The following AK6 variants were observed in gnomAD, a reference collection of about 807,000 sequenced individuals.
AK6 encodes adenylate kinase isoenzyme 6.
AK6 carries 24 observed loss-of-function variants against 23.7 expected under a neutral mutation model. The ratio of observed to expected loss-of-function variants is 1.01; its 90% CI spans 0.73 to 1.43. The LOEUF is 1.43. Ranked by LOEUF, AK6 falls within the 40% of genes most tolerant of loss-of-function variation. The pLI is 0.00. For missense variants in AK6, 191 were observed against 199.1 expected (o/e 0.96, Z 0.24); for synonymous variants, 73 against 69.8 (o/e 1.05, Z -0.23).
rs1375251803 is a variant in AK6 at position 69,351,236 on chromosome 5, C to T, written c.*825G>A. On this transcript the variant is annotated 3_prime_UTR_variant, in exon 5 of 5. Coordinates refer to ENST00000380822, the MANE Select transcript of AK6 (RefSeq NM_016283.5). ...AGAGTCTAAGGTCTCACTATGTTGC[C>T]CAGGCTGGTCTTGAACTCCTGCCTC... 6.6e-6 allele frequency: 1 copy of T among 151,960 alleles called. No homozygotes were observed. The highest frequency in any genetic ancestry group is 1.5e-5 in the Non-Finnish European group (1 of 68,040). 9.4% of individuals were successfully genotyped at this position (151,960 alleles called of 1,614,324 possible). A position where few individuals can be genotyped will look rare whatever the true frequency, so the allele number is the denominator to read the frequency against.
chr5:69,361,086 T>C (rs1428613763), intron 2 of AK6, among the ~76,000 whole-genome samples: 1 of 152,186 alleles, frequency 6.6e-6, no homozygotes, highest in East Asian at 1.9e-4. Context: ...GGAAAGGGTA[T>C]CAAGTGAGGA....
chr5:69,351,952 G>A lies in AK6; in HGVS notation c.*109C>T. The A allele has an allele frequency of 1.1e-6, 1 of 900,596 alleles. No homozygotes were observed. Among genetic ancestry groups the A allele is most frequent in the East Asian group, 2.6e-5 (1 of 38,814 alleles). The allele number at this position is 900,596 out of a possible 1,614,324, so 55.8% of individuals were successfully genotyped here. ...GCATAAACCTATATACTATCCACCT[G>A]CTGGTTCTGCAACATGATTTTAATA... On this transcript the variant is annotated 3_prime_UTR_variant, in exon 5 of 5. Transcript: ENST00000380822.
Position 69,362,327 on chromosome 5 carries a change from G to A in AK6, c.121+4176C>T, listed in dbSNP as rs59799008. 6.1e-3 allele frequency among the ~76,000 whole-genome samples: 924 copies of A among 152,062 alleles called. 7 individuals carry two copies. The highest frequency in any genetic ancestry group is 0.021 in the African/African-American group (873 of 41,480). On this transcript the variant is annotated intron_variant, in intron 2 of 4. Coordinates refer to ENST00000380822, the MANE Select transcript of AK6 (RefSeq NM_016283.5). ...CTTCACACATTGCTATACCCCCAAAGGGCAAAAATCACCTAGTTGAGAATC... is the reference window on the plus strand; with the variant it reads ...CTTCACACATTGCTATACCCCCAAAAGGCAAAAATCACCTAGTTGAGAATC...
At chr5:69,366,478 A>T (rs748811045) in intron 2 of AK6, 25 bp downstream of exon 2, 1 of 1,596,398 alleles carries the variant, frequency 6.3e-7, no homozygotes, top group South Asian at 1.1e-5. Context: ...AAACAAAACA[A>T]ATCTAACACC....
intron 2 of AK6, among the ~76,000 whole-genome samples, chr5:69,363,046 G>T (rs1230759399): frequency 6.6e-6 from 1 of 152,086 alleles, no homozygotes; most frequent in Non-Finnish European, 1.5e-5. Flanking sequence ...GGGGAACAAA[G>T]CCAGACCCTG....
chr5:69,364,454 T>C (rs986077363), intron 2 of AK6, among the ~76,000 whole-genome samples: 1 of 152,072 alleles, frequency 6.6e-6, no homozygotes, highest in African/African-American at 2.4e-5. Flanking sequence ...TTGAGGAAGA[T>C]AATCAAAGCA....
chr5:69,369,276 G>A, intron 1 of AK6, 187 bp downstream of exon 1: 1 of 106,092 alleles, frequency 9.4e-6, no homozygotes, highest in Non-Finnish European at 1.6e-5. Flanking sequence ...TTAACGTTCC[G>A]CGTCCCCTCC....
At chr5:69,366,474 A>G in intron 2 of AK6, 29 bp downstream of exon 2, 1 of 1,590,874 alleles carries the variant, frequency 6.3e-7, no homozygotes, top group Non-Finnish European at 8.6e-7. Context: ...AAAAAAACAA[A>G]ACAAATCTAA....
intron 1 of AK6, 62 bp downstream of exon 1, chr5:69,369,401 C>T (rs1031371956): frequency 2.3e-5 from 37 of 1,586,540 alleles, no homozygotes; most frequent in Non-Finnish European, 3.2e-5. Context: ...GCGCCCGATG[C>T]CCAGAGCACT....
intron 2 of AK6, chr5:69,365,106 T>C: frequency 1.2e-6 from 2 of 1,614,232 alleles, no homozygotes; most frequent in Non-Finnish European, 1.7e-6. Context: ...AATCAGAACA[T>C]TCTGAACTGC....
At chr5:69,369,683 G>A (rs1306615007), upstream of AK6, 10 of 1,554,318 alleles carry the variant, frequency 6.4e-6, no homozygotes, top group Middle Eastern at 1.7e-4. Context: ...CATTTCCGTC[G>A]CAAAGTTGGA....
At chr5:69,365,546 A>G in intron 2 of AK6, 1 of 1,613,962 alleles carries the variant, frequency 6.2e-7, no homozygotes, top group South Asian at 1.1e-5. Flanking sequence ...CATCAACAGT[A>G]GCTTTCTTAG....
chr5:69,358,993 C>T (rs1762157039), intron 2 of AK6, among the ~76,000 whole-genome samples: 1 of 151,730 alleles, frequency 6.6e-6, no homozygotes. Context: ...ATAATCCTAG[C>T]ACTTTCAGAG....
At chr5:69,362,172 C>T (rs886341950) in intron 2 of AK6, among the ~76,000 whole-genome samples, 1 of 151,942 alleles carries the variant, frequency 6.6e-6, no homozygotes, top group Non-Finnish European at 1.5e-5. Context: ...GATTTCTCAA[C>T]CTTATTACTA....
chr5:69,369,242 C>CCCCCCCA, intron 1 of AK6: 2 of 252,652 alleles, frequency 7.9e-6, no homozygotes, highest in South Asian at 1.2e-4. Context: ...CCCCGCCCCC[C>CCCCCCCA]CCCGGAGCCT....
At position 69,355,729 on chromosome 5, in the gene AK6, A is replaced by G. The variant is rs374295136; in HGVS notation, c.246T>C (p.Asp82=). 11 of 1,613,914 alleles carry G rather than the reference A, an allele frequency of 6.8e-6. No individual in the cohort carries two copies. The African/African-American group carries it at 1.5e-4, about 22-fold the overall frequency. The part of the protein sequence containing the change: ...GGVIVDYHGC[D]FFPERWFHIV... Reference sequence around the variant, plus strand: ...TATGAAACCAGCGTTCAGGGAAGAAATCACAACCATGGTAATCAACAATAA... The same window carrying G: ...TATGAAACCAGCGTTCAGGGAAGAAGTCACAACCATGGTAATCAACAATAA... Residue 82 remains aspartate, a synonymous_variant, in exon 4 of 5, where the codon GAT becomes GAC. Transcript: ENST00000380822.
intron 1 of AK6, chr5:69,368,736 G>A (rs1470441920): frequency 6.6e-6 from 1 of 152,134 alleles, no homozygotes; most frequent in Non-Finnish European, 1.5e-5. Flanking sequence ...CCTACAATTT[G>A]ATAAACACTT....
At chr5:69,369,400 G>T in intron 1 of AK6, 63 bp downstream of exon 1, 1 of 1,583,846 alleles carries the variant, frequency 6.3e-7, no homozygotes, top group Non-Finnish European at 8.6e-7. Context: ...GGCGCCCGAT[G>T]CCCAGAGCAC....
At chr5:69,369,643 G>A, upstream of AK6, 3 of 1,563,146 alleles carry the variant, frequency 1.9e-6, no homozygotes, top group Non-Finnish European at 2.6e-6. Context: ...GCCCAGCCGC[G>A]GCCCACTGGT....
Sources: allele counts gnomAD v4.1 joint callset (sites outside exome capture counted in the v4.1 genomes callset), GRCh38; gene constraint gnomAD v4.1.1; transcripts MANE v1.5; gene names NCBI Gene and HGNC (gene_info 2026-07-23, HGNC 2026-07-21).